The following PPFIA1 variants were observed in gnomAD, a reference collection of about 807,000 sequenced individuals.
PPFIA1 encodes the protein liprin-alpha-1.
A neutral mutation model predicts 149.9 loss-of-function variants in PPFIA1; 25 were observed. That is an observed-to-expected ratio of 0.17 (90% CI 0.12 to 0.23). PPFIA1 has a LOEUF of 0.23. PPFIA1 is among the 10% of genes least tolerant of loss of function. The probability of loss-of-function intolerance (pLI) is 1.00; values close to 1 mark genes in which losing one functional copy is unlikely to be tolerated. For missense variants in PPFIA1, 1,362 were observed against 1,506.5 expected, an observed-to-expected ratio of 0.90 and a Z score of 1.59; for synonymous variants, 549 against 552.8, an observed-to-expected ratio of 0.99 and a Z score of 0.10.
intron 2 of PPFIA1, among the ~76,000 whole-genome samples, chr11:70,298,007 G>A (rs772114082): frequency 6.6e-6 from 1 of 152,196 alleles, no homozygotes; most frequent in African/African-American, 2.4e-5. Context: ...TTACATGGTG[G>A]TGGTAATGCT....
At chr11:70,371,110 C>T (rs1326944549) in intron 21 of PPFIA1, among the ~76,000 whole-genome samples, 1 of 152,092 alleles carries the variant, frequency 6.6e-6, no homozygotes, top group Non-Finnish European at 1.5e-5. Flanking sequence ...CCAGCCTGGG[C>T]GACAGAGGGA....
At chr11:70,318,508 A>G (rs1195194641) in intron 2 of PPFIA1, among the ~76,000 whole-genome samples, 3 of 152,074 alleles carry the variant, frequency 2.0e-5, no homozygotes, top group East Asian at 3.9e-4. Flanking sequence ...TGCCCTCACT[A>G]TGCAAATGTC....
intron 2 of PPFIA1, among the ~76,000 whole-genome samples, chr11:70,295,405 A>G (rs1314283446): frequency 1.7e-5 from 2 of 119,938 alleles, no homozygotes; most frequent in Non-Finnish European, 3.4e-5. Flanking sequence ...TCCCTCCCGG[A>G]TGAGGTGGCT....
intron 8 of PPFIA1, among the ~76,000 whole-genome samples, 188 bp downstream of exon 8, chr11:70,330,507 AC>A (rs2054590462): frequency 6.6e-6 from 1 of 152,244 alleles, no homozygotes; most frequent in Non-Finnish European, 1.5e-5. Context: ...ATTTGATTTA[AC>A]CAATTTTGTC....
intron 2 of PPFIA1, among the ~76,000 whole-genome samples, chr11:70,289,320 G>A (rs1233776076): frequency 6.6e-6 from 1 of 151,902 alleles, no homozygotes; most frequent in Admixed American, 6.6e-5. Context: ...AGAAAAAAAT[G>A]TTCATTAAAA....
At chr11:70,285,205 G>A (rs937855988) in intron 2 of PPFIA1, among the ~76,000 whole-genome samples, 2 of 151,718 alleles carry the variant, frequency 1.3e-5, no homozygotes, top group Non-Finnish European at 2.9e-5. Flanking sequence ...TCACCACGTT[G>A]CCCAGGCTGG....
chr11:70,284,962 A>G (rs1352157210), intron 2 of PPFIA1, among the ~76,000 whole-genome samples: 1 of 151,660 alleles, frequency 6.6e-6, no homozygotes, highest in African/African-American at 2.4e-5. Context: ...CAGGGGAGGG[A>G]ATGATGTGAT....
At chr11:70,314,878 C>A (rs538549921) in intron 2 of PPFIA1, among the ~76,000 whole-genome samples, 5 of 152,292 alleles carry the variant, frequency 3.3e-5, no homozygotes, top group Non-Finnish European at 5.9e-5. Context: ...CTCACAGTTC[C>A]GCATGGCTGG....
At chr11:70,326,955 G>A (rs2054334058) in intron 7 of PPFIA1, 137 bp downstream of exon 7, 1 of 742,752 alleles carries the variant, frequency 1.3e-6, no homozygotes, top group Non-Finnish European at 2.2e-6. Context: ...AAGTTATATT[G>A]AAAAAGAGAG....
At chr11:70,365,499 CT>C in intron 21 of PPFIA1, 1 of 449,358 alleles carries the variant, frequency 2.2e-6, no homozygotes, top group South Asian at 1.6e-5. Context: ...CGTCTGGGTT[CT>C]TTGCCTTTTT....
rs57213147 is a variant in PPFIA1, at chr11:70,286,984, T to TACACACACAC, written c.264+14562_264+14571dup. Reference sequence around the variant, plus strand: ...ATATACATATACACATATATGCACATACACACACACACACACACACACATA... The same window carrying TACACACACAC: ...ATATACATATACACATATATGCACATACACACACACACACACACACACACACACACACATA... On this transcript the variant is annotated intron_variant, in intron 2 of 27. Coordinates refer to ENST00000253925, the MANE Select transcript of PPFIA1 (RefSeq NM_003626.5). 7.6e-4 allele frequency among the ~76,000 whole-genome samples: 113 copies of TACACACACAC among 148,102 alleles called. 1 individual carries two copies. Among genetic ancestry groups the TACACACACAC allele is most frequent in the Middle Eastern group, 3.5e-3 (1 of 282 alleles).
At chr11:70,315,571 A>G (rs916893759) in intron 2 of PPFIA1, among the ~76,000 whole-genome samples, 2 of 151,904 alleles carry the variant, frequency 1.3e-5, no homozygotes, top group African/African-American at 4.8e-5. Flanking sequence ...TGAAGATCAC[A>G]GTGTGAGCTC....
chr11:70,302,928 C>T (rs537313440), intron 2 of PPFIA1, among the ~76,000 whole-genome samples: 1 of 152,114 alleles, frequency 6.6e-6, no homozygotes, highest in Non-Finnish European at 1.5e-5. Context: ...AATAAGGCGT[C>T]TTTCAGTTAC....
At chr11:70,279,905 A>ATTGTGTGTGTGTGTG (rs368563994) in intron 2 of PPFIA1, among the ~76,000 whole-genome samples, 1 of 144,862 alleles carries the variant, frequency 6.9e-6, no homozygotes, top group African/African-American at 2.7e-5. Flanking sequence ...TGTGTGGGGG[A>ATTGTGTGTGTGTGTG]TGTGTGTGTG....
chr11:70,370,170 CCT>C (rs1453456504), intron 21 of PPFIA1, among the ~76,000 whole-genome samples: 1 of 151,142 alleles, frequency 6.6e-6, no homozygotes, highest in Admixed American at 6.6e-5. Flanking sequence ...AGGCTGGTCC[CCT>C]CTTTCATTCT....
At chr11:70,354,256 T>C in intron 16 of PPFIA1, 45 bp from the exon 17 acceptor site, 1 of 1,561,468 alleles carries the variant, frequency 6.4e-7, no homozygotes. Flanking sequence ...CCTGAGTTTT[T>C]CACAGTCTGC....
In PPFIA1 at chr11:70,333,507, G is replaced by A. The variant is rs780188154; in HGVS notation, c.1250G>A (p.Arg417Gln). The A allele has an allele frequency of 5.6e-6, 9 of 1,613,334 alleles. No homozygotes were observed. Among genetic ancestry groups the A allele is most frequent in the South Asian group, 1.1e-5 (1 of 90,778 alleles). Residue 417 changes from arginine to glutamine, a missense_variant, in exon 10 of 28, where the codon CGA becomes CAA. Physicochemically the swap from Arg to Gln is conservative, Grantham distance 43. Around this residue, in one of 7 missense-constraint regions of PPFIA1, gnomAD observed 733 missense variants for 744.1 expected, o/e 0.99. Coordinates refer to ENST00000253925, the MANE Select transcript of PPFIA1 (RefSeq NM_003626.5). ...CACGGCAACATTGAAGAAAGGTTAC[G>A]ACAGATGGAAGCACAGTTGGAGGAG... ...ERHGNIEERLRQMEAQLEEKN... is the reference protein window; with the variant it reads ...ERHGNIEERLQQMEAQLEEKN...
intron 14 of PPFIA1, among the ~76,000 whole-genome samples, chr11:70,342,827 G>A (rs544799252): frequency 2.7e-5 from 4 of 149,758 alleles, no homozygotes; most frequent in Admixed American, 6.7e-5. Context: ...TGATACATTC[G>A]TATAATTAAA....
intron 2 of PPFIA1, among the ~76,000 whole-genome samples, chr11:70,273,200 C>T (rs1038502025): frequency 1.3e-5 from 2 of 152,140 alleles, no homozygotes; most frequent in African/African-American, 4.8e-5. Flanking sequence ...TCACTTGAAC[C>T]CGGGAGGTGG....
Sources: gnomAD v4.1 joint callset for allele counts (sites outside exome capture counted in the v4.1 genomes callset) on GRCh38, gnomAD v4.1.1 for gene constraint, gnomAD v4.1.1 regional missense constraint, MANE v1.5 for transcripts, NCBI Gene and HGNC (gene_info 2026-07-23, HGNC 2026-07-21) for gene names.